The following PIK3R5 variants were observed in gnomAD, a reference collection of about 807,000 sequenced individuals.
PIK3R5 encodes the protein phosphoinositide 3-kinase regulatory subunit 5.
In PIK3R5, 32 loss-of-function variants were observed where a neutral mutation model predicts 94.9. The ratio of observed to expected loss-of-function variants is 0.34; its 90% confidence interval spans 0.25 to 0.45. The LOEUF is 0.45. Among genes scored for constraint, PIK3R5 ranks in the 20% least tolerant of loss-of-function variants. The pLI, the probability that PIK3R5 is intolerant of heterozygous loss-of-function variation, is 1.00. For synonymous variants in PIK3R5, 443 were observed against 479.4 expected (o/e 0.92, Z 0.99); for missense variants, 853 against 1,144.6 (o/e 0.75, Z 3.68).
rs1597377984 is a variant in PIK3R5 at position 8,890,230 on chromosome 17, T to C, written c.658-104A>G. On this transcript the variant is annotated intron_variant, in intron 7 of 18. Transcript: ENST00000447110. This position sits in a 1 kb window ranked among gnomAD's most constrained non-coding sequence, Gnocchi z 6.1. ...CTGAGGGAGGCAGTGATCTGTCCCC[T>C]CCCAGCCTCATCACCCATCTCCTAC... 8.1e-6 allele frequency: 10 copies of C among 1,231,788 alleles called. No homozygotes were observed. The allele number at this position is 1,231,788 out of a possible 1,614,324, so 76.3% of individuals were successfully genotyped here.
chr17:8,904,988 C>T lies in PIK3R5; in HGVS notation c.274-73G>A. The T allele has an allele frequency of 1.4e-6, 2 of 1,480,846 alleles. No individual in the cohort carries two copies. The highest frequency in any genetic ancestry group is 1.9e-6 in the Non-Finnish European group (2 of 1,077,750). The allele number at this position is 1,480,846 out of a possible 1,614,324, so 91.7% of individuals were successfully genotyped here. A position where few individuals can be genotyped will look rare whatever the true frequency, so the allele number is the denominator to read the frequency against. ...CTCAGATAGTCCCAGACAGCTTCTGCTCCCTTTCTGGAATATTCCACAAAA... is the reference window on the plus strand; with the variant it reads ...CTCAGATAGTCCCAGACAGCTTCTGTTCCCTTTCTGGAATATTCCACAAAA... On this transcript the variant is annotated intron_variant, in intron 4 of 18. Transcript: ENST00000447110. This position sits in a 1 kb window ranked among gnomAD's most constrained non-coding sequence, Gnocchi z 5.1.
Position 8,904,818 on chromosome 17 carries a change from T to C in PIK3R5, c.371A>G (p.Gln124Arg). The C allele has an allele frequency of 1.2e-6, 2 of 1,614,188 alleles. No homozygotes were observed. Among genetic ancestry groups the C allele is most frequent in the Non-Finnish European group, 1.7e-6 (2 of 1,180,016 alleles). Reference sequence around the variant, plus strand: ...AGCATCAATGAAGGTGAGCAGCTCCTGGCAGATGCTGCAGTAAGGAACAGG... The same window carrying C: ...AGCATCAATGAAGGTGAGCAGCTCCCGGCAGATGCTGCAGTAAGGAACAGG... ...TWPVPYCSIC[Q>R]ELLTFIDAEL... Residue 124 changes from glutamine to arginine, a missense_variant, in exon 5 of 19, where the codon CAG becomes CGG. Around this residue, in one of 6 missense-constraint regions of PIK3R5, gnomAD observed 108 missense variants for 170.1 expected, o/e 0.63. Transcript: ENST00000447110. The surrounding 1 kb of genome is among the most constrained non-coding windows in gnomAD (Gnocchi z 5.1).
At chr17:8,906,651 G>A (rs962274247) in intron 3 of PIK3R5, among the ~76,000 whole-genome samples, 1 of 152,124 alleles carries the variant, frequency 6.6e-6, no homozygotes. Context: ...GGGAGGCCGA[G>A]GCAGGTGGAT....
chr17:8,946,803 G>C (rs1203379158), intron 1 of PIK3R5, among the ~76,000 whole-genome samples: 2 of 151,974 alleles, frequency 1.3e-5, no homozygotes, highest in Non-Finnish European at 2.9e-5. Flanking sequence ...TCTTCTTCTA[G>C]GTGTCTGCCT....
At chr17:8,895,324 C>A (rs1159245077) in intron 5 of PIK3R5, among the ~76,000 whole-genome samples, 1 of 152,208 alleles carries the variant, frequency 6.6e-6, no homozygotes, top group Non-Finnish European at 1.5e-5. Flanking sequence ...TTAACCCACA[C>A]CCCGCTGACC....
Position 8,881,558 on chromosome 17 carries a change from T to C in PIK3R5, c.2382+72A>G. The C allele has an allele frequency of 1.7e-6, 2 of 1,170,800 alleles. No individual in the cohort carries two copies. The highest frequency in any genetic ancestry group is 2.5e-6 in the Non-Finnish European group (2 of 795,718). The allele number at this position is 1,170,800 out of a possible 1,614,324, so 72.5% of individuals were successfully genotyped here. A position where few individuals can be genotyped will look rare whatever the true frequency, so the allele number is the denominator to read the frequency against. On this transcript the variant is annotated intron_variant, in intron 17 of 18. Coordinates refer to ENST00000447110, the MANE Select transcript of PIK3R5 (RefSeq NM_001142633.3). The surrounding 1 kb of genome is among the most constrained non-coding windows in gnomAD (Gnocchi z 4.8). ...ACACACATACATGTGCACACACACG[T>C]ACACACATACGCACATGCACGCTCC... is the stretch of plus-strand genomic sequence containing the variant.
Position 8,881,612 on chromosome 17 carries a change from G to A in PIK3R5, c.2382+18C>T. ...AAGTCTCTTGAGGGTATGGCTGGAA[G>A]GAGAGGGAAGCCCGTACCTGGTTAA... On this transcript the variant is annotated intron_variant, in intron 17 of 18. Coordinates refer to ENST00000447110, the MANE Select transcript of PIK3R5 (RefSeq NM_001142633.3). The surrounding 1 kb of genome is among the most constrained non-coding windows in gnomAD (Gnocchi z 4.8). The A allele has an allele frequency of 6.3e-7, 1 of 1,599,062 alleles. No homozygotes were observed. The highest frequency in any genetic ancestry group is 8.6e-7 in the Non-Finnish European group (1 of 1,169,372).
At position 8,890,692 on chromosome 17, in the gene PIK3R5, T is replaced by A. The variant is rs61759652; in HGVS notation, c.657+46A>T. Reference sequence around the variant, plus strand: ...GATGAAGCAGGGAGAGGGTGCTACCTCCTCAGAGAGGTGCTCCACCAGAGC... The same window carrying A: ...GATGAAGCAGGGAGAGGGTGCTACCACCTCAGAGAGGTGCTCCACCAGAGC... On this transcript the variant is annotated intron_variant, in intron 7 of 18. Transcript: ENST00000447110. The surrounding 1 kb of genome is among the most constrained non-coding windows in gnomAD (Gnocchi z 6.1). The A allele has an allele frequency of 0.095, 145,130 of 1,522,490 alleles. 7,733 individuals carry two copies. The highest frequency in any genetic ancestry group is 0.11 in the Non-Finnish European group (123,201 of 1,119,190). The allele number at this position is 1,522,490 out of a possible 1,614,324, so 94.3% of individuals were successfully genotyped here.
At chr17:8,916,489 C>G (rs2090633130) in intron 1 of PIK3R5, 1 of 145,498 alleles carries the variant, frequency 6.9e-6, no homozygotes, top group African/African-American at 2.5e-5. Flanking sequence ...CCCCGCCCCC[C>G]CGCCCCCGCC....
In PIK3R5 at chr17:8,890,218, T is replaced by A; in HGVS notation, c.658-92A>T. On this transcript the variant is annotated intron_variant, in intron 7 of 18. Coordinates refer to ENST00000447110, the MANE Select transcript of PIK3R5 (RefSeq NM_001142633.3). The surrounding 1 kb of genome is among the most constrained non-coding windows in gnomAD (Gnocchi z 6.1). ...GCTAGCTTCTTACTGAGGGAGGCAG[T>A]GATCTGTCCCCTCCCAGCCTCATCA... 1 of 1,371,656 alleles carries A rather than the reference T, an allele frequency of 7.3e-7. No homozygotes were observed. Among genetic ancestry groups the A allele is most frequent in the South Asian group, 1.2e-5 (1 of 81,320 alleles). The allele number at this position is 1,371,656 out of a possible 1,614,324, so 85.0% of individuals were successfully genotyped here.
chr17:8,957,413 C>G (rs572233150), intron 1 of PIK3R5, among the ~76,000 whole-genome samples: 1 of 152,130 alleles, frequency 6.6e-6, no homozygotes, highest in East Asian at 1.9e-4. Context: ...AAGTCTTCAC[C>G]TTTTTCAAAG....
At chr17:8,887,339 G>A in intron 11 of PIK3R5, 118 bp from the exon 12 acceptor site, 1 of 1,440,100 alleles carries the variant, frequency 6.9e-7, no homozygotes, top group Non-Finnish European at 9.5e-7. Flanking sequence ...CCTTGGGGAA[G>A]TATGACAACT....
chr17:8,879,297 C>T lies in PIK3R5; in HGVS notation c.*1342G>A, dbSNP rs7342822. ...CTTGACTTCTGCCCTATCTCTCTAGCCCATGTTTGCTTCCAGCTTCTCAAA... is the reference window on the plus strand; with the variant it reads ...CTTGACTTCTGCCCTATCTCTCTAGTCCATGTTTGCTTCCAGCTTCTCAAA... On this transcript the variant is annotated 3_prime_UTR_variant, in exon 19 of 19. Transcript: ENST00000447110. The surrounding 1 kb of genome is among the most constrained non-coding windows in gnomAD (Gnocchi z 4.4). 0.03 allele frequency: 4,573 copies of T among 152,342 alleles called. 241 individuals are homozygous for T. The highest frequency in any genetic ancestry group is 0.1 in the African/African-American group (4,284 of 41,546). The allele number at this position is 152,342 out of a possible 1,614,324, so 9.4% of individuals were successfully genotyped here.
chr17:8,935,850 C>G lies in PIK3R5; in HGVS notation c.-13-24343G>C, dbSNP rs867564325. Among the ~76,000 whole-genome samples the G allele has an allele frequency of 6.6e-6, 1 of 151,882 alleles. No individual in the cohort carries two copies. Among genetic ancestry groups the G allele is most frequent in the South Asian group, 2.1e-4 (1 of 4,822 alleles). ...CGGGCGGATCACGAGGTCAGGAGAT[C>G]GAGACTATACTGGCTAACGCAGTGA... On this transcript the variant is annotated intron_variant, in intron 1 of 18. Transcript: ENST00000447110. The surrounding 1 kb of genome is among the most constrained non-coding windows in gnomAD (Gnocchi z 4.5).
Position 8,913,259 on chromosome 17 carries a change from G to A in PIK3R5, c.-13-1752C>T, listed in dbSNP as rs1282750833. 3.6e-4 allele frequency among the ~76,000 whole-genome samples: 55 copies of A among 152,182 alleles called. 2 individuals are homozygous for A. Among genetic ancestry groups the A allele is most frequent in the Admixed American group, 3.6e-3 (55 of 15,286 alleles). ...GGGGAAGAGTATTGGAGAAAGGGGAGCCAGCCCATGCCACAGTCTGGGTGC... is the reference window on the plus strand; with the variant it reads ...GGGGAAGAGTATTGGAGAAAGGGGAACCAGCCCATGCCACAGTCTGGGTGC... On this transcript the variant is annotated intron_variant, in intron 1 of 18. Coordinates refer to ENST00000447110, the MANE Select transcript of PIK3R5 (RefSeq NM_001142633.3).
chr17:8,902,360 AT>A (rs1361604731), intron 5 of PIK3R5, among the ~76,000 whole-genome samples: 1 of 145,282 alleles, frequency 6.9e-6, no homozygotes, highest in East Asian at 2.0e-4. Flanking sequence ...GGTTCAAGCG[AT>A]TCTCTGCCTC....
At chr17:8,938,001 G>C (rs922215460) in intron 1 of PIK3R5, among the ~76,000 whole-genome samples, 8 of 152,120 alleles carry the variant, frequency 5.3e-5, no homozygotes, top group African/African-American at 1.9e-4. Flanking sequence ...AGTAAAGACG[G>C]GGTTTCACCA....
intron 2 of PIK3R5, among the ~76,000 whole-genome samples, chr17:8,910,622 A>G (rs1238121364): frequency 6.6e-6 from 1 of 152,186 alleles, no homozygotes; most frequent in Non-Finnish European, 1.5e-5. Context: ...GCTTTAATCC[A>G]GGTCTGTCTC....
At chr17:8,916,407 C>T (rs1423767235) in intron 1 of PIK3R5, 1 of 152,182 alleles carries the variant, frequency 6.6e-6, no homozygotes, top group Non-Finnish European at 1.5e-5. Context: ...GCATCACCCT[C>T]CCAAGCCCCC....
Sources: allele counts gnomAD v4.1 joint callset (sites outside exome capture counted in the v4.1 genomes callset), GRCh38; gene constraint gnomAD v4.1.1; regional missense constraint gnomAD v4.1.1; non-coding constraint Gnocchi (gnomAD v3.1); transcripts MANE v1.5; gene names NCBI Gene and HGNC (gene_info 2026-07-23, HGNC 2026-07-21).